The following KDM4B variants were observed in gnomAD, a reference collection of about 807,000 sequenced individuals.
KDM4B encodes the protein lysine-specific demethylase 4B.
A neutral mutation model predicts 125.2 loss-of-function variants in KDM4B; 32 were observed. The observed-to-expected ratio is 0.26, with a 90% CI of 0.19 to 0.34. KDM4B has a LOEUF of 0.34. Ranked by LOEUF, KDM4B falls within the 10% of genes least tolerant of loss-of-function variation. KDM4B has a pLI of 1.00. For synonymous variants in KDM4B, 721 were observed against 677.9 expected, an observed-to-expected ratio of 1.06 and a Z score of -0.99; for missense variants, 1,190 against 1,577.7, an observed-to-expected ratio of 0.75 and a Z score of 4.16.
chr19:5,004,753 A>T (rs1025083623), intron 1 of KDM4B, among the ~76,000 whole-genome samples: 8 of 152,176 alleles, frequency 5.3e-5, no homozygotes, highest in Admixed American at 5.2e-4. Context: ...TAATGGTCAC[A>T]GGTGGGCAGT....
chr19:5,057,420 C>T (rs1290102354), intron 6 of KDM4B, among the ~76,000 whole-genome samples: 3 of 152,184 alleles, frequency 2.0e-5, no homozygotes, highest in East Asian at 1.9e-4. Context: ...GGACTTTAGT[C>T]GACTTTTTCC....
At chr19:5,020,650 G>A (rs367594156) in intron 2 of KDM4B, among the ~76,000 whole-genome samples, 2 of 152,152 alleles carry the variant, frequency 1.3e-5, no homozygotes, top group African/African-American at 4.8e-5. Flanking sequence ...GCTGCAAGTC[G>A]GCCTCTCCTC....
chr19:5,013,863 C>T (rs2035806455), intron 1 of KDM4B, among the ~76,000 whole-genome samples: 1 of 152,192 alleles, frequency 6.6e-6, no homozygotes, highest in South Asian at 2.1e-4. Flanking sequence ...GGAGGGATTC[C>T]GGTCCTCGGG....
At chr19:5,144,489 T>C in intron 20 of KDM4B, 77 bp downstream of exon 20, 1 of 985,644 alleles carries the variant, frequency 1.0e-6, no homozygotes, top group Non-Finnish European at 1.4e-6. Context: ...AGCATCACGG[T>C]GAGCTGTGGG....
intron 1 of KDM4B, among the ~76,000 whole-genome samples, chr19:4,983,135 C>CTTTTTTTT (rs76958173): frequency 1.1e-4 from 14 of 130,654 alleles, no homozygotes; most frequent in African/African-American, 4.0e-4. Flanking sequence ...TTTTTCTTTT[C>CTTTTTTTT]TTTTTTTTTT....
intron 1 of KDM4B, among the ~76,000 whole-genome samples, chr19:4,983,674 A>G (rs985651869): frequency 6.6e-6 from 1 of 152,206 alleles, no homozygotes; most frequent in African/African-American, 2.4e-5. Flanking sequence ...CGGGAAGAGA[A>G]TGGCAGGAAG....
At chr19:5,106,626 G>A (rs940384421) in intron 9 of KDM4B, among the ~76,000 whole-genome samples, 1 of 152,236 alleles carries the variant, frequency 6.6e-6, no homozygotes, top group African/African-American at 2.4e-5. Context: ...CAGGAGCACT[G>A]TGAAGCCTCT....
At chr19:4,984,182 G>A (rs1289617376) in intron 1 of KDM4B, among the ~76,000 whole-genome samples, 2 of 152,194 alleles carry the variant, frequency 1.3e-5, no homozygotes, top group East Asian at 3.9e-4. Flanking sequence ...TCCACCGAGC[G>A]GAGGCTGAGG....
chr19:4,989,208 C>T (rs1021481151), intron 1 of KDM4B, among the ~76,000 whole-genome samples: 4 of 152,172 alleles, frequency 2.6e-5, no homozygotes, highest in East Asian at 1.9e-4. Context: ...GGGTGGAAGC[C>T]GCTTGCAGAG....
At chr19:5,044,750 C>T (rs1469966256) in intron 5 of KDM4B, among the ~76,000 whole-genome samples, 2 of 152,070 alleles carry the variant, frequency 1.3e-5, no homozygotes, top group Non-Finnish European at 2.9e-5. Context: ...CGTCATTCCT[C>T]CCTCTCCCCC....
rs183018931 is a variant in KDM4B at position 5,115,492 on chromosome 19, A to C, written c.1116-4161A>C. On this transcript the variant is annotated intron_variant, in intron 10 of 22. Transcript: ENST00000159111. This position sits in a 1 kb window ranked among gnomAD's most constrained non-coding sequence, Gnocchi z 4.2. ...ATATGCTGATACTGGGGCTCTCCTA[A>C]AGTCACAGGCTCCTGCCCTCAGCAG... is the stretch of plus-strand genomic sequence containing the variant. Among the ~76,000 whole-genome samples the C allele has an allele frequency of 5.4e-3, 816 of 152,264 alleles. 5 individuals carry two copies. Among genetic ancestry groups the C allele is most frequent in the African/African-American group, 0.018 (765 of 41,558 alleles).
At chr19:5,065,136 T>G (rs2037728673) in intron 6 of KDM4B, among the ~76,000 whole-genome samples, 1 of 152,200 alleles carries the variant, frequency 6.6e-6, no homozygotes, top group African/African-American at 2.4e-5. Flanking sequence ...CAGCGTCACC[T>G]AGCACAGGAG....
At chr19:5,077,244 C>T (rs566145452) in intron 7 of KDM4B, 123 bp from the exon 8 acceptor site, 38 of 790,680 alleles carry the variant, frequency 4.8e-5, no homozygotes, top group Non-Finnish European at 3.4e-5. Context: ...CTGGGCCGTG[C>T]TCTGTGCTCC....
intron 2 of KDM4B, among the ~76,000 whole-genome samples, chr19:5,024,584 C>A (rs115187696): frequency 0.016 from 2,358 of 151,836 alleles, 53 homozygotes; most frequent in African/African-American, 0.054. Flanking sequence ...ATGGTCACAG[C>A]AGGAGGGCTG....
At chr19:5,001,653 T>A (rs996532242) in intron 1 of KDM4B, among the ~76,000 whole-genome samples, 2 of 152,220 alleles carry the variant, frequency 1.3e-5, no homozygotes, top group African/African-American at 4.8e-5. Flanking sequence ...TTAGCTTTTA[T>A]GCTAAACACC....
intron 6 of KDM4B, among the ~76,000 whole-genome samples, chr19:5,056,552 C>T (rs1350304532): frequency 6.6e-6 from 1 of 152,040 alleles, no homozygotes; most frequent in African/African-American, 2.4e-5. Context: ...ATTACAGGTG[C>T]GTGCTGCCAC....
At chr19:5,133,633 A>G (rs999671384) in intron 13 of KDM4B, among the ~76,000 whole-genome samples, 6 of 152,210 alleles carry the variant, frequency 3.9e-5, no homozygotes, top group Non-Finnish European at 8.8e-5. Context: ...CTCTGGCCTC[A>G]GGTGGCAGTC....
chr19:5,106,714 G>T (rs1285133525), intron 9 of KDM4B, among the ~76,000 whole-genome samples: 1 of 152,210 alleles, frequency 6.6e-6, no homozygotes, highest in South Asian at 2.1e-4. Context: ...CCCCTGACAT[G>T]AGCACTGTCC....
At chr19:5,005,126 G>A (rs145300569) in intron 1 of KDM4B, among the ~76,000 whole-genome samples, 3 of 152,330 alleles carry the variant, frequency 2.0e-5, no homozygotes, top group Non-Finnish European at 2.9e-5. Flanking sequence ...TTGGAGATGC[G>A]TCTGTGCAGC....
Sources: allele counts gnomAD v4.1 joint callset (sites outside exome capture counted in the v4.1 genomes callset), GRCh38; gene constraint gnomAD v4.1.1; non-coding constraint Gnocchi (gnomAD v3.1); transcripts MANE v1.5; gene names NCBI Gene and HGNC (gene_info 2026-07-23, HGNC 2026-07-21).